SPMIP6: variants seen among roughly 807,000 people sequenced by gnomAD.
SPMIP6 encodes sperm microtubule inner protein 6, also known as ciliated bronchial epithelial protein 1.
chr9:34,379,316 A>T, the SPMIP6 span: 1 of 654,606 alleles, frequency 1.5e-6, no homozygotes, highest in Non-Finnish European at 2.8e-6. This position sits in a 1 kb window ranked among gnomAD's most constrained non-coding sequence, Gnocchi z 4.2. Flanking sequence ...TGACCTCCTG[A>T]CCTTAGGTTC....
the SPMIP6 span, among the ~76,000 whole-genome samples, chr9:34,387,817 A>G: frequency 8.5e-5 from 13 of 152,210 alleles, no homozygotes; most frequent in African/African-American, 3.1e-4. Flanking sequence ...CTCGTTGGAC[A>G]ATATTTTGCA....
At chr9:34,381,454 GC>G in the SPMIP6 span, 1 of 1,613,906 alleles carries the variant, frequency 6.2e-7, no homozygotes, top group Non-Finnish European at 8.5e-7. The surrounding 1 kb of genome is among the most constrained non-coding windows in gnomAD (Gnocchi z 4.4). Context: ...CCTGGAAGCG[GC>G]ACACATGCTA....
At chr9:34,383,916 C>T in the SPMIP6 span, among the ~76,000 whole-genome samples, 3 of 152,190 alleles carry the variant, frequency 2.0e-5, no homozygotes, top group African/African-American at 7.2e-5. Context: ...CTTGACATAG[C>T]ACCTGTGGTA....
At chr9:34,384,383 G>A in the SPMIP6 span, among the ~76,000 whole-genome samples, 21 of 152,324 alleles carry the variant, frequency 1.4e-4, no homozygotes, top group Middle Eastern at 3.4e-3. Flanking sequence ...ACAGGAAAGG[G>A]AGGCATCAGA....
chr9:34,379,072 G>C, the SPMIP6 span: 1 of 1,565,720 alleles, frequency 6.4e-7, no homozygotes, highest in South Asian at 1.1e-5. This position sits in a 1 kb window ranked among gnomAD's most constrained non-coding sequence, Gnocchi z 4.2. Flanking sequence ...AGCAAGCCCA[G>C]GCTCTACCAG....
the SPMIP6 span, among the ~76,000 whole-genome samples, chr9:34,388,842 T>C: frequency 1.3e-5 from 2 of 152,164 alleles, no homozygotes; most frequent in African/African-American, 4.8e-5. Context: ...TCCTTTACTA[T>C]TGGCACCTAT....
At chr9:34,389,522 G>A in the SPMIP6 span, among the ~76,000 whole-genome samples, 1 of 152,126 alleles carries the variant, frequency 6.6e-6, no homozygotes, top group Non-Finnish European at 1.5e-5. Flanking sequence ...TGGGACTACA[G>A]GCACACACTA....
the SPMIP6 span, among the ~76,000 whole-genome samples, chr9:34,387,526 C>CACA: frequency 6.6e-6 from 1 of 151,630 alleles, no homozygotes; most frequent in Non-Finnish European, 1.5e-5. Context: ...ACACACACAC[C>CACA]CCTGTGTACC....
the SPMIP6 span, chr9:34,397,634 G>C: frequency 6.3e-7 from 1 of 1,599,000 alleles, no homozygotes. Context: ...ACAGGAACAT[G>C]GTGTGGTCTT....
the SPMIP6 span, among the ~76,000 whole-genome samples, chr9:34,386,632 C>T: frequency 6.6e-6 from 1 of 151,980 alleles, no homozygotes; most frequent in African/African-American, 2.4e-5. Context: ...CAACCTGGCC[C>T]TGATTCTGCT....
the SPMIP6 span, among the ~76,000 whole-genome samples, chr9:34,388,261 C>T: frequency 7.2e-4 from 109 of 151,824 alleles, no homozygotes; most frequent in African/African-American, 2.5e-3. Context: ...CTGCCTCAGC[C>T]TCCCAAGTAG....
At chr9:34,387,433 A>C in the SPMIP6 span, among the ~76,000 whole-genome samples, 7 of 152,052 alleles carry the variant, frequency 4.6e-5, no homozygotes, top group Non-Finnish European at 1.0e-4. Context: ...GCACAGTCAC[A>C]CTTCTACGTG....
chr9:34,380,846 C>CGGGGCTGAAGGGGGGGGGGGTTGGGGGGG, the SPMIP6 span: 1 of 721,702 alleles, frequency 1.4e-6, no homozygotes, highest in Admixed American at 2.9e-5. Context: ...GGTTCTGGGG[C>CGGGGCTGAAGGGGGGGGGGGTTGGGGGGG]GGGGCTTGTG....
chr9:34,385,116 CAAG>C, the SPMIP6 span, among the ~76,000 whole-genome samples: 1 of 151,702 alleles, frequency 6.6e-6, no homozygotes, highest in African/African-American at 2.4e-5. Context: ...TTTCCACCGA[CAAG>C]AACCCCAAAA....
the SPMIP6 span, among the ~76,000 whole-genome samples, chr9:34,390,659 A>C: frequency 6.6e-6 from 1 of 152,186 alleles, no homozygotes; most frequent in East Asian, 1.9e-4. Context: ...TTTATGAATG[A>C]ATTGGACTGT....
chr9:34,393,787 C>G, the SPMIP6 span, among the ~76,000 whole-genome samples: 1 of 151,982 alleles, frequency 6.6e-6, no homozygotes, highest in African/African-American at 2.4e-5. Flanking sequence ...CTCTGTGCTG[C>G]GTTCTGGGAA....
chr9:34,382,350 G>A, the SPMIP6 span, among the ~76,000 whole-genome samples: 62 of 152,268 alleles, frequency 4.1e-4, no homozygotes, highest in East Asian at 0.012. Context: ...TTAGGAGGCC[G>A]AGGCAGGTGG....
the SPMIP6 span, among the ~76,000 whole-genome samples, chr9:34,388,181 C>T: frequency 1.3e-5 from 2 of 151,654 alleles, no homozygotes; most frequent in Admixed American, 1.3e-4. Flanking sequence ...GCTCTTCTCA[C>T]CCAGGCTGGA....
At chr9:34,394,567 A>C in the SPMIP6 span, among the ~76,000 whole-genome samples, 3 of 151,884 alleles carry the variant, frequency 2.0e-5, no homozygotes, top group Non-Finnish European at 4.4e-5. Flanking sequence ...GTTTTCTTTT[A>C]TCTCTTATTG....
Sources: allele counts gnomAD v4.1 joint callset (sites outside exome capture counted in the v4.1 genomes callset), GRCh38; gene constraint gnomAD v4.1.1; non-coding constraint Gnocchi (gnomAD v3.1); transcripts MANE v1.5; gene names NCBI Gene and HGNC (gene_info 2026-07-23, HGNC 2026-07-21).